The following NUSAP1 variants were observed in gnomAD, a reference collection of about 807,000 sequenced individuals.
NUSAP1 encodes nucleolar and spindle associated protein 1, also known as nucleolar and spindle-associated protein 1.
NUSAP1 carries 32 observed loss-of-function variants against 52.8 expected under a neutral mutation model. The observed-to-expected ratio is 0.61, with a 90% CI of 0.46 to 0.81. The LOEUF is 0.81. Among genes scored for constraint, NUSAP1 ranks in the 40% least tolerant of loss-of-function variants. The pLI, the probability that NUSAP1 is intolerant of heterozygous loss-of-function variation, is 0.00. For synonymous variants in NUSAP1, 195 were observed against 183.1 expected (o/e 1.06, Z -0.52); for missense variants, 499 against 522.3 (o/e 0.96, Z 0.43).
chr15:41,365,212 G>C (rs1170915208), intron 6 of NUSAP1, among the ~76,000 whole-genome samples, 190 bp from the exon 7 acceptor site: 1 of 152,066 alleles, frequency 6.6e-6, no homozygotes, highest in African/African-American at 2.4e-5. Context: ...CTGTTGCCAG[G>C]CTGGTGTGAT....
intron 8 of NUSAP1, among the ~76,000 whole-genome samples, chr15:41,375,391 G>T (rs1446906804): frequency 6.6e-6 from 1 of 151,918 alleles, no homozygotes; most frequent in Non-Finnish European, 1.5e-5. Context: ...GGTCAGGCTG[G>T]TCTTGAACTC....
At chr15:41,363,001 A>G (rs2049239567) in intron 6 of NUSAP1, among the ~76,000 whole-genome samples, 1 of 151,888 alleles carries the variant, frequency 6.6e-6, no homozygotes, top group Non-Finnish European at 1.5e-5. Context: ...ATACTTATAT[A>G]TATGGCTGGG....
chr15:41,344,698 C>T (rs1488178602), intron 2 of NUSAP1, among the ~76,000 whole-genome samples: 5 of 151,530 alleles, frequency 3.3e-5, no homozygotes, highest in Admixed American at 1.3e-4. Flanking sequence ...ACCAGCACTT[C>T]GGAAGGCCAA....
At chr15:41,355,282 C>T (rs978330882) in intron 4 of NUSAP1, among the ~76,000 whole-genome samples, 1 of 151,924 alleles carries the variant, frequency 6.6e-6, no homozygotes, top group African/African-American at 2.4e-5. Context: ...AAGCGATTCT[C>T]CTGCCTCAGC....
intron 1 of NUSAP1, among the ~76,000 whole-genome samples, chr15:41,338,592 CT>C (rs1302956620): frequency 6.6e-6 from 1 of 152,152 alleles, no homozygotes; most frequent in Non-Finnish European, 1.5e-5. Flanking sequence ...TGCCTCAACT[CT>C]TACCTCACAA....
At position 41,332,973 on chromosome 15, in the gene NUSAP1, CT is replaced by C; in HGVS notation, c.17del (p.Leu6GlnfsTer15). 6.2e-7 allele frequency: 1 copy of C among 1,610,846 alleles called. No individual in the cohort carries two copies. The highest frequency in any genetic ancestry group is 1.3e-5 in the African/African-American group (1 of 74,980). On this transcript the variant is annotated frameshift_variant, in exon 1 of 11. Coordinates refer to ENST00000559596, the MANE Select transcript of NUSAP1 (RefSeq NM_016359.5). LOFTEE classifies it high-confidence loss of function. ...TCGAATCGCGATGATCATCCCCTCTCTAGAGGAGCTGGACTCCCTCAAGTAC... is the reference window on the plus strand; with the variant it reads ...TCGAATCGCGATGATCATCCCCTCTCAGAGGAGCTGGACTCCCTCAAGTAC... Reference protein sequence around the residue: MIIPSLEELDSLKYSD... With the variant: MIIPSXEELDSLKYSD...
intron 6 of NUSAP1, among the ~76,000 whole-genome samples, chr15:41,362,826 T>C (rs1200225737): frequency 6.6e-6 from 1 of 152,132 alleles, no homozygotes; most frequent in Non-Finnish European, 1.5e-5. Context: ...TAAGGCTTAC[T>C]TTTTTGTCAT....
chr15:41,367,670 T>TA (rs989651082), intron 7 of NUSAP1, among the ~76,000 whole-genome samples: 1 of 152,128 alleles, frequency 6.6e-6, no homozygotes, highest in African/African-American at 2.4e-5. Context: ...TTATTAGACT[T>TA]GGGTATTATT....
chr15:41,342,651 A>C (rs2048406906), intron 2 of NUSAP1, among the ~76,000 whole-genome samples, 197 bp downstream of exon 2: 1 of 152,146 alleles, frequency 6.6e-6, no homozygotes, highest in African/African-American at 2.4e-5. Flanking sequence ...CAGCCTGGCC[A>C]ACATGGTGAA....
chr15:41,345,222 A>G (rs930866523), intron 2 of NUSAP1, among the ~76,000 whole-genome samples: 2 of 151,214 alleles, frequency 1.3e-5, no homozygotes, highest in African/African-American at 2.4e-5. Context: ...CTGGTCTCAA[A>G]CTCCTGGGCT....
chr15:41,354,190 C>T (rs900695102), intron 4 of NUSAP1, among the ~76,000 whole-genome samples: 2 of 152,080 alleles, frequency 1.3e-5, no homozygotes, highest in African/African-American at 4.8e-5. Flanking sequence ...AGCTGGGCAA[C>T]GTAGTGAGAC....
rs202232951 is a variant in NUSAP1, at chr15:41,356,044, A to G, written c.454A>G (p.Arg152Gly). 2.6e-5 allele frequency: 41 copies of G among 1,584,358 alleles called. No individual in the cohort carries two copies. Among genetic ancestry groups the G allele is most frequent in the Non-Finnish European group, 3.5e-5 (40 of 1,156,866 alleles). Residue 152 changes from arginine to glycine, a missense_variant, in exon 5 of 11, where the codon AGA becomes GGA. Coordinates refer to ENST00000559596, the MANE Select transcript of NUSAP1 (RefSeq NM_016359.5). Reference sequence around the variant, plus strand: ...TTCTGTGTCTTTGGATTTAGGTAACAGAGATTCAAAGGTACCTTCAGAAGG... The same window carrying G: ...TTCTGTGTCTTTGGATTTAGGTAACGGAGATTCAAAGGTACCTTCAGAAGG... ...EAENAVSSGN[R>G]DSKVPSEGKK...
At chr15:41,341,455 G>C (rs932934423) in intron 1 of NUSAP1, among the ~76,000 whole-genome samples, 12 of 152,080 alleles carry the variant, frequency 7.9e-5, no homozygotes, top group Admixed American at 7.2e-4. Flanking sequence ...TCCTAGGCTG[G>C]GAAGAGAAGC....
chr15:41,352,648 G>T (rs1414887073), intron 4 of NUSAP1, among the ~76,000 whole-genome samples: 1 of 151,718 alleles, frequency 6.6e-6, no homozygotes, highest in Admixed American at 6.6e-5. Context: ...GAGCACAGTG[G>T]CACGATCTCA....
chr15:41,377,386 G>T, intron 10 of NUSAP1, 82 bp downstream of exon 10: 1 of 730,362 alleles, frequency 1.4e-6, no homozygotes, highest in Non-Finnish European at 2.2e-6. Flanking sequence ...AGTAATAGTG[G>T]TGTTTTAAGA....
chr15:41,364,185 A>C (rs1390536453), intron 6 of NUSAP1, among the ~76,000 whole-genome samples: 2 of 152,050 alleles, frequency 1.3e-5, no homozygotes, highest in African/African-American at 4.8e-5. Context: ...CCGTATTTCC[A>C]AAATAATCTT....
At chr15:41,333,169 C>G (rs2047982661) in intron 1 of NUSAP1, 119 bp downstream of exon 1, 1 of 723,452 alleles carries the variant, frequency 1.4e-6, no homozygotes, top group Non-Finnish European at 2.4e-6. Context: ...CCCTGCCCCT[C>G]GGGCAGTAGA....
rs2048399309 is a variant in NUSAP1, at chr15:41,342,461, A to G, written c.162+7A>G. 6.4e-7 allele frequency: 1 copy of G among 1,569,984 alleles called. No individual in the cohort carries two copies. The highest frequency in any genetic ancestry group is 8.7e-7 in the Non-Finnish European group (1 of 1,155,102). On this transcript the variant is annotated splice_region_variant and intron_variant, in intron 2 of 10. Transcript: ENST00000559596. ...AAAAGGAAATGAGAATCAGGTGAGT[A>G]ATGTTTTTCATGTTTACCTGTTAGC...
chr15:41,358,104 A>G (rs1567057772), intron 5 of NUSAP1, 45 bp from the exon 6 acceptor site: 1 of 857,030 alleles, frequency 1.2e-6, no homozygotes, highest in Non-Finnish European at 1.9e-6. Context: ...AAGATAAATA[A>G]ATGGATTTTG....
Sources: allele counts gnomAD v4.1 joint callset (sites outside exome capture counted in the v4.1 genomes callset), GRCh38; gene constraint gnomAD v4.1.1; transcripts MANE v1.5; gene names NCBI Gene and HGNC (gene_info 2026-07-23, HGNC 2026-07-21).